Variants in NSRP1 observed in about 807,000 individuals in gnomAD.
The protein encoded by NSRP1 is nuclear speckle splicing regulatory protein 1.
A neutral mutation model predicts 54.7 loss-of-function variants in NSRP1; 24 were observed. The observed-to-expected ratio is 0.44, with a 90% CI of 0.32 to 0.62. NSRP1 has a LOEUF of 0.62. Ranked by LOEUF, NSRP1 falls within the 20% of genes least tolerant of loss-of-function variation. NSRP1 has a pLI of 0.06. For synonymous variants in NSRP1, 210 were observed against 213.8 expected, an observed-to-expected ratio of 0.98 and a Z score of 0.15; for missense variants, 596 against 651.2, an observed-to-expected ratio of 0.92 and a Z score of 0.92.
At chr17:30,182,093 C>T (rs1905326140) in intron 6 of NSRP1, among the ~76,000 whole-genome samples, 1 of 142,196 alleles carries the variant, frequency 7.0e-6, no homozygotes, top group Non-Finnish European at 1.5e-5. Flanking sequence ...GTGGGTATTC[C>T]TCATGATCCT....
chr17:30,135,894 T>A (rs926731316), intron 2 of NSRP1, among the ~76,000 whole-genome samples: 20 of 152,082 alleles, frequency 1.3e-4, no homozygotes, highest in Admixed American at 1.0e-3. Context: ...TTTTATTTCA[T>A]TTTTTTGATC....
At chr17:30,139,966 G>C (rs1270079822) in intron 2 of NSRP1, among the ~76,000 whole-genome samples, 3 of 152,198 alleles carry the variant, frequency 2.0e-5, no homozygotes, top group African/African-American at 7.2e-5. Flanking sequence ...GGAGCTTGCA[G>C]TGAACCGAGA....
intron 2 of NSRP1, among the ~76,000 whole-genome samples, chr17:30,139,199 G>A (rs1680967152): frequency 6.6e-6 from 1 of 152,114 alleles, no homozygotes; most frequent in East Asian, 1.9e-4. Flanking sequence ...TTACAGGCGT[G>A]AGCCACCGCA....
chr17:30,129,099 T>C (rs1398813571), intron 2 of NSRP1, among the ~76,000 whole-genome samples: 1 of 151,818 alleles, frequency 6.6e-6, no homozygotes, highest in African/African-American at 2.4e-5. Context: ...CAACTATTTT[T>C]TAAGAAAAAT....
At chr17:30,140,797 G>A (rs2071797956) in intron 2 of NSRP1, among the ~76,000 whole-genome samples, 1 of 151,726 alleles carries the variant, frequency 6.6e-6, no homozygotes, top group African/African-American at 2.4e-5. Context: ...CAAAGTGGTG[G>A]GATTACAGGT....
intron 5 of NSRP1, among the ~76,000 whole-genome samples, chr17:30,180,581 T>C (rs1238611138): frequency 6.6e-6 from 1 of 152,266 alleles, no homozygotes; most frequent in Non-Finnish European, 1.5e-5. Flanking sequence ...ATTCATATTT[T>C]AAGACTTTAA....
intron 2 of NSRP1, among the ~76,000 whole-genome samples, chr17:30,171,593 C>T (rs1904935246): frequency 6.6e-6 from 1 of 152,088 alleles, no homozygotes; most frequent in Non-Finnish European, 1.5e-5. Flanking sequence ...AGGCATGAGC[C>T]ACCGCGCCTG....
intron 2 of NSRP1, among the ~76,000 whole-genome samples, chr17:30,121,569 T>G (rs1597591249): frequency 7.6e-6 from 1 of 131,494 alleles, no homozygotes; most frequent in Admixed American, 7.1e-5. Flanking sequence ...TGTGTGTGTG[T>G]GTTTTTTTTT....
chr17:30,145,228 A>G (rs938893758), intron 2 of NSRP1, among the ~76,000 whole-genome samples: 5 of 152,164 alleles, frequency 3.3e-5, no homozygotes, highest in African/African-American at 1.2e-4. Flanking sequence ...CCCTTGTGAA[A>G]GTTTTTATGG....
intron 2 of NSRP1, among the ~76,000 whole-genome samples, chr17:30,167,886 A>G (rs763332403): frequency 3.9e-5 from 6 of 152,178 alleles, no homozygotes; most frequent in Non-Finnish European, 7.4e-5. Context: ...CTAATGGTCA[A>G]CAGTACATGT....
intron 2 of NSRP1, among the ~76,000 whole-genome samples, chr17:30,141,185 T>C (rs904005007): frequency 6.6e-6 from 1 of 152,190 alleles, no homozygotes; most frequent in Non-Finnish European, 1.5e-5. Context: ...TTTTCTTTTA[T>C]CTTTATTATC....
chr17:30,122,181 A>G (rs948061689), intron 2 of NSRP1, among the ~76,000 whole-genome samples: 1 of 150,836 alleles, frequency 6.6e-6, no homozygotes, highest in South Asian at 2.1e-4. Flanking sequence ...AATGTACCAT[A>G]TTTTATCTAT....
chr17:30,118,622 T>C (rs2071566334), intron 2 of NSRP1, among the ~76,000 whole-genome samples: 1 of 152,226 alleles, frequency 6.6e-6, no homozygotes, highest in Admixed American at 6.5e-5. Context: ...TGGTAGTGAA[T>C]AGTTACTCTT....
At chr17:30,139,429 T>A (rs1440694954) in intron 2 of NSRP1, among the ~76,000 whole-genome samples, 2 of 152,194 alleles carry the variant, frequency 1.3e-5, no homozygotes, top group Admixed American at 1.3e-4. Context: ...TGGTGTCATA[T>A]CTAAGAAATC....
chr17:30,132,968 C>G (rs538276563), intron 2 of NSRP1, among the ~76,000 whole-genome samples: 1 of 152,312 alleles, frequency 6.6e-6, no homozygotes, highest in African/African-American at 2.4e-5. Flanking sequence ...GAGACAAGGT[C>G]TCGCTTTGTC....
At chr17:30,148,297 T>C (rs970896659) in intron 2 of NSRP1, among the ~76,000 whole-genome samples, 2 of 152,256 alleles carry the variant, frequency 1.3e-5, no homozygotes, top group African/African-American at 4.8e-5. Context: ...ATTTTTAATA[T>C]GCTAGTAAAC....
At chr17:30,182,347 A>G (rs1487041017) in intron 6 of NSRP1, among the ~76,000 whole-genome samples, 1 of 152,180 alleles carries the variant, frequency 6.6e-6, no homozygotes, top group African/African-American at 2.4e-5. Flanking sequence ...AAATTAATTT[A>G]AAGTAAATAA....
At position 30,116,873 on chromosome 17, in the gene NSRP1, C is replaced by A; in HGVS notation, c.20+10C>A. 1 of 1,572,052 alleles carries A rather than the reference C, an allele frequency of 6.4e-7. No homozygotes were observed. The highest frequency in any genetic ancestry group is 2.3e-5 in the East Asian group (1 of 42,830). On this transcript the variant is annotated intron_variant, in intron 1 of 6. Transcript: ENST00000247026. ...CGATTCCGGGCAGGCAGTGAGTGAT[C>A]CGGGAGTTAGGGTCAGGCTGGGGGA...
At chr17:30,151,935 A>T (rs1401536280) in intron 2 of NSRP1, among the ~76,000 whole-genome samples, 1 of 151,308 alleles carries the variant, frequency 6.6e-6, no homozygotes, top group Non-Finnish European at 1.5e-5. Context: ...ACGCCCGGGT[A>T]ATTTTGTATT....
Sources: gnomAD v4.1 joint callset for allele counts (sites outside exome capture counted in the v4.1 genomes callset) on GRCh38, gnomAD v4.1.1 for gene constraint, MANE v1.5 for transcripts, NCBI Gene and HGNC (gene_info 2026-07-23, HGNC 2026-07-21) for gene names.